The following RBFOX3 variants were observed in gnomAD, a reference collection of about 807,000 sequenced individuals.
RBFOX3 encodes the protein RNA binding fox-1 homolog 3.
Under a neutral mutation model 48.7 loss-of-function variants are expected in RBFOX3, and 17 were observed. The ratio of observed to expected loss-of-function variants is 0.35; its 90% CI spans 0.24 to 0.52. The LOEUF is 0.52. Ranked by LOEUF, RBFOX3 falls within the 20% of genes least tolerant of loss-of-function variation. The pLI, the probability that RBFOX3 is intolerant of heterozygous loss-of-function variation, is 0.94. For missense variants in RBFOX3, 382 were observed against 497.5 expected, an observed-to-expected ratio of 0.77 and a Z score of 2.21; for synonymous variants, 212 against 209.5, an observed-to-expected ratio of 1.01 and a Z score of -0.10.
chr17:79,493,761 T>C (rs1343937283), intron 1 of RBFOX3, among the ~76,000 whole-genome samples: 1 of 152,220 alleles, frequency 6.6e-6, no homozygotes, highest in Non-Finnish European at 1.5e-5. Flanking sequence ...TCTATATTTG[T>C]TGGATAAATG....
At chr17:79,334,568 A>T (rs988558703) in intron 2 of RBFOX3, among the ~76,000 whole-genome samples, 12 of 152,180 alleles carry the variant, frequency 7.9e-5, no homozygotes, top group Non-Finnish European at 2.9e-5. Flanking sequence ...ACCTCTTCCC[A>T]GAAAAGGCAC....
At chr17:79,655,282 C>T in the RBFOX3 span, among the ~76,000 whole-genome samples, 118 of 152,242 alleles carry the variant, frequency 7.8e-4, no homozygotes, top group African/African-American at 2.5e-3. Flanking sequence ...GGTGGCCAGG[C>T]CCTAGGTTCA....
At chr17:79,286,307 T>G (rs1266995572) in intron 3 of RBFOX3, among the ~76,000 whole-genome samples, 1 of 152,172 alleles carries the variant, frequency 6.6e-6, no homozygotes, top group East Asian at 1.9e-4. Flanking sequence ...ACTGCAGGTT[T>G]TGGACTCAGT....
intron 3 of RBFOX3, among the ~76,000 whole-genome samples, chr17:79,260,042 C>A (rs2065498220): frequency 1.3e-5 from 2 of 151,930 alleles, no homozygotes; most frequent in Non-Finnish European, 2.9e-5. Context: ...GGTCCTCACA[C>A]CCCTGGTGTG....
intron 4 of RBFOX3, among the ~76,000 whole-genome samples, chr17:79,183,833 A>T (rs561381278): frequency 6.6e-6 from 1 of 151,954 alleles, no homozygotes; most frequent in African/African-American, 2.4e-5. Context: ...CTGATCCCAC[A>T]CTTAACCCCT....
At chr17:79,377,796 A>C (rs778805163) in intron 2 of RBFOX3, among the ~76,000 whole-genome samples, 14 of 152,066 alleles carry the variant, frequency 9.2e-5, no homozygotes, top group Non-Finnish European at 1.6e-4. Context: ...TGGTGACCCG[A>C]GGTCGCTGCC....
Position 79,242,480 on chromosome 17 carries a change from C to T in RBFOX3, c.-73-6675G>A, listed in dbSNP as rs751628003. On this transcript the variant is annotated intron_variant, in intron 3 of 14. Transcript: ENST00000693108. This position sits in a 1 kb window ranked among gnomAD's most constrained non-coding sequence, Gnocchi z 5.8. ...GACGGTGATCAGAGCAGGAGAGCCA[C>T]ATCTATTTAATGTGATGTTTTCCTC... Among the ~76,000 whole-genome samples, 4 of 151,680 alleles carry T rather than the reference C, an allele frequency of 2.6e-5. No homozygotes were observed. The highest frequency in any genetic ancestry group is 1.9e-4 in the East Asian group (1 of 5,160).
chr17:79,625,653 A>G, the RBFOX3 span, among the ~76,000 whole-genome samples: 1 of 151,796 alleles, frequency 6.6e-6, no homozygotes, highest in East Asian at 1.9e-4. Flanking sequence ...TCACCTGGGC[A>G]TGGCACTAGG....
intron 1 of RBFOX3, among the ~76,000 whole-genome samples, chr17:79,553,113 A>C (rs2091307406): frequency 6.6e-6 from 1 of 152,178 alleles, no homozygotes; most frequent in Non-Finnish European, 1.5e-5. Flanking sequence ...TAAGAAAAAA[A>C]TGAGTTTTGA....
At chr17:79,122,630 T>C (rs2147212278) in intron 4 of RBFOX3, among the ~76,000 whole-genome samples, 1 of 152,276 alleles carries the variant, frequency 6.6e-6, no homozygotes, top group African/African-American at 2.4e-5. Flanking sequence ...GAACAACCAC[T>C]ACGGAGAACA....
chr17:79,570,458 G>A (rs1253884164), intron 1 of RBFOX3, among the ~76,000 whole-genome samples: 2 of 152,160 alleles, frequency 1.3e-5, no homozygotes, highest in African/African-American at 2.4e-5. Context: ...TATGGAGGAT[G>A]AATGGGTGGA....
intron 1 of RBFOX3, among the ~76,000 whole-genome samples, chr17:79,500,728 T>C (rs1039639003): frequency 4.6e-5 from 7 of 152,172 alleles, no homozygotes; most frequent in Admixed American, 1.3e-4. Context: ...AAGGAAAGAC[T>C]TCTGCAAGAG....
intron 1 of RBFOX3, among the ~76,000 whole-genome samples, chr17:79,491,733 C>T (rs1027955007): frequency 1.5e-4 from 23 of 152,190 alleles, no homozygotes; most frequent in Non-Finnish European, 3.1e-4. Flanking sequence ...TGTCATTTAT[C>T]GCATTATTAC....
chr17:79,343,126 G>C (rs2082358236), intron 2 of RBFOX3, among the ~76,000 whole-genome samples: 1 of 152,200 alleles, frequency 6.6e-6, no homozygotes, highest in African/African-American at 2.4e-5. Flanking sequence ...GTGATTCACT[G>C]TGACTTGTCC....
the RBFOX3 span, among the ~76,000 whole-genome samples, chr17:79,658,929 C>T: frequency 6.6e-6 from 1 of 152,212 alleles, no homozygotes; most frequent in African/African-American, 2.4e-5. Context: ...GTAGGTTCTG[C>T]TGCAGTAGAA....
intron 1 of RBFOX3, among the ~76,000 whole-genome samples, chr17:79,566,728 G>T (rs1357110102): frequency 6.6e-6 from 1 of 152,226 alleles, no homozygotes; most frequent in Non-Finnish European, 1.5e-5. Context: ...AGCCTTGCTT[G>T]CCACTGTTCA....
At chr17:79,193,863 C>A (rs2055005836) in intron 4 of RBFOX3, among the ~76,000 whole-genome samples, 1 of 152,092 alleles carries the variant, frequency 6.6e-6, no homozygotes, top group Admixed American at 6.5e-5. Flanking sequence ...CTTATGCTGG[C>A]CCACAGGAAG....
intron 3 of RBFOX3, among the ~76,000 whole-genome samples, chr17:79,283,325 C>T (rs934636373): frequency 1.4e-4 from 21 of 145,914 alleles, no homozygotes; most frequent in African/African-American, 5.3e-4. Context: ...CTGGAGTGCA[C>T]TAGCGTGATC....
chr17:79,547,590 C>T (rs2090618330), intron 1 of RBFOX3, among the ~76,000 whole-genome samples: 1 of 152,200 alleles, frequency 6.6e-6, no homozygotes, highest in South Asian at 2.1e-4. Context: ...AGTCCACTCA[C>T]CCAAACAAAC....
Sources: gnomAD v4.1 joint callset for allele counts (sites outside exome capture counted in the v4.1 genomes callset) on GRCh38, gnomAD v4.1.1 for gene constraint, Gnocchi (gnomAD v3.1) non-coding constraint, MANE v1.5 for transcripts, NCBI Gene and HGNC (gene_info 2026-07-23, HGNC 2026-07-21) for gene names.